The following CD36 variants were observed in gnomAD, a reference collection of about 807,000 sequenced individuals.
CD36 encodes the protein CD36 molecule (CD36 blood group).
In CD36, 119 loss-of-function variants were observed where a neutral mutation model predicts 55.2. That is an observed-to-expected ratio of 2.15 (90% CI 1.86 to 2.51). The LOEUF is 2.51. Among genes scored for constraint, CD36 ranks in the 30% most tolerant of loss-of-function variants. The pLI, the probability that CD36 is intolerant of heterozygous loss-of-function variation, is 0.00. For synonymous variants in CD36, 186 were observed against 193.6 expected, an observed-to-expected ratio of 0.96 and a Z score of 0.33; for missense variants, 819 against 555.5, an observed-to-expected ratio of 1.47 and a Z score of -4.77.
chr7:80,676,509 C>T lies in CD36; in HGVS notation c.*126C>T, dbSNP rs1207889114. The stretch of plus-strand genomic sequence containing the variant: ...GCCCTGCATTCCTGTCATCCTCATC[C>T]GGGGGAAACACCATCATCCCAGTAG... On this transcript the variant is annotated 3_prime_UTR_variant, in exon 15 of 15. Coordinates refer to ENST00000447544, the MANE Select transcript of CD36 (RefSeq NM_001001548.3). 1.2e-4 allele frequency: 19 copies of T among 152,132 alleles called. No individual in the cohort carries two copies. The highest frequency in any genetic ancestry group is 2.6e-4 in the Non-Finnish European group (18 of 68,064). The allele number at this position is 152,132 out of a possible 1,614,324, so 9.4% of individuals were successfully genotyped here.
chr7:80,621,183 G>A (rs1331684233), intron 1 of CD36, among the ~76,000 whole-genome samples: 1 of 152,022 alleles, frequency 6.6e-6, no homozygotes, highest in East Asian at 1.9e-4. Context: ...TTTAAAGTAT[G>A]TACATTTTTT....
At chr7:80,626,203 G>C (rs925136430) in intron 1 of CD36, 2 of 151,970 alleles carry the variant, frequency 1.3e-5, no homozygotes, top group African/African-American at 4.8e-5. Context: ...TAACTTAGCT[G>C]GCATTGTGGC....
rs764869453 is a variant in CD36 at position 80,661,161 on chromosome 7, CA to C, written c.381del (p.Val128LeufsTer29). ...PNGAIFEPSL[S>X]VGTEADNFTV... ...GGTGCCATCTTCGAACCTTCACTAT[CA>C]GTTGGAACAGAGGCTGACAACTTCA... On this transcript the variant is annotated frameshift_variant, in exon 5 of 15. Coordinates refer to ENST00000447544, the MANE Select transcript of CD36 (RefSeq NM_001001548.3). LOFTEE classifies it high-confidence loss of function. The C allele has an allele frequency of 1.9e-6, 3 of 1,613,970 alleles. No homozygotes were observed. In the South Asian group the frequency reaches 3.3e-5, roughly 18 times the overall value.
intron 2 of CD36, 135 bp downstream of exon 2, chr7:80,646,316 T>TCTCG: frequency 4.3e-6 from 1 of 232,338 alleles, no homozygotes; most frequent in Non-Finnish European, 8.7e-6. Context: ...AACCAGATAG[T>TCTCG]GAGGATGCAA....
intron 5 of CD36, chr7:80,662,729 G>A (rs1258645795): frequency 2.2e-6 from 1 of 446,232 alleles, no homozygotes; most frequent in Non-Finnish European, 4.1e-6. Flanking sequence ...TTAGATATTT[G>A]AGAAGACCAC....
chr7:80,616,001 A>AG (rs1317397689), intron 1 of CD36, among the ~76,000 whole-genome samples: 6 of 152,210 alleles, frequency 3.9e-5, no homozygotes, highest in Non-Finnish European at 8.8e-5. Context: ...CTTAACAGAT[A>AG]ACACTTTCTT....
At chr7:80,659,804 G>T (rs186782375) in intron 4 of CD36, among the ~76,000 whole-genome samples, 1 of 152,222 alleles carries the variant, frequency 6.6e-6, no homozygotes, top group Non-Finnish European at 1.5e-5. Context: ...AAATACAATT[G>T]TCCTGAGTGC....
intron 3 of CD36, among the ~76,000 whole-genome samples, chr7:80,648,982 G>A (rs1016237459): frequency 2.6e-5 from 4 of 152,084 alleles, no homozygotes; most frequent in African/African-American, 7.2e-5. Flanking sequence ...TTAGAGTTAG[G>A]AAGCAAGCTT....
intron 1 of CD36, among the ~76,000 whole-genome samples, chr7:80,639,539 T>C (rs1021432657): frequency 3.9e-5 from 6 of 152,010 alleles, no homozygotes; most frequent in Admixed American, 1.3e-4. Context: ...AAATTAATTA[T>C]ACATTAACTA....
chr7:80,659,419 G>C (rs1584412403), intron 4 of CD36, among the ~76,000 whole-genome samples: 1 of 152,146 alleles, frequency 6.6e-6, no homozygotes, highest in South Asian at 2.1e-4. Context: ...TGAAGATGCT[G>C]TAATTCCTTC....
chr7:80,632,234 C>T (rs936460008), intron 1 of CD36, among the ~76,000 whole-genome samples: 5 of 150,124 alleles, frequency 3.3e-5, no homozygotes, highest in Admixed American at 6.7e-5. Flanking sequence ...TGTGAAGTCT[C>T]AGGGCAGAAT....
At chr7:80,642,409 G>T (rs1315688669) in intron 1 of CD36, among the ~76,000 whole-genome samples, 1 of 152,092 alleles carries the variant, frequency 6.6e-6, no homozygotes, top group Non-Finnish European at 1.5e-5. Context: ...TTGGTGGAAT[G>T]GTGGAGACAA....
chr7:80,609,253 G>A (rs1004045735), intron 1 of CD36, among the ~76,000 whole-genome samples: 3 of 152,210 alleles, frequency 2.0e-5, no homozygotes, highest in South Asian at 2.1e-4. Context: ...ACACTGTACC[G>A]AATCCTTACT....
At position 80,666,237 on chromosome 7, in the gene CD36, C is replaced by A. The variant is rs3736592; in HGVS notation, c.702-206C>A. ...CACCTGGCAGTTTTTATTTTATGAT[C>A]TGGCTACCTAATGGCATCAGGTACA... On this transcript the variant is annotated intron_variant, in intron 7 of 14. Coordinates refer to ENST00000447544, the MANE Select transcript of CD36 (RefSeq NM_001001548.3). 9.1e-4 allele frequency: 447 copies of A among 488,760 alleles called. 3 individuals are homozygous for A. In the East Asian group the frequency reaches 0.011, roughly 12 times the overall value. The allele number at this position is 488,760 out of a possible 1,614,324, so 30.3% of individuals were successfully genotyped here.
chr7:80,617,999 A>C (rs1237293737), intron 1 of CD36, among the ~76,000 whole-genome samples: 2 of 152,146 alleles, frequency 1.3e-5, no homozygotes, highest in Non-Finnish European at 2.9e-5. Context: ...TCTGTCATGC[A>C]CAGTACAGTT....
chr7:80,607,293 A>AAAGCG (rs1792611288), intron 1 of CD36, among the ~76,000 whole-genome samples: 2 of 142,758 alleles, frequency 1.4e-5, no homozygotes, highest in South Asian at 4.5e-4. Context: ...AAAGAAAAGC[A>AAAGCG]CTTAATTATT....
At chr7:80,663,264 T>G (rs1367604243) in intron 6 of CD36, 95 bp downstream of exon 6, 5 of 1,057,188 alleles carry the variant, frequency 4.7e-6, no homozygotes, top group Admixed American at 3.5e-5. Context: ...AGCTCATTAG[T>G]CTTATTGCTG....
At chr7:80,642,404 G>A (rs1427981851) in intron 1 of CD36, among the ~76,000 whole-genome samples, 1 of 152,110 alleles carries the variant, frequency 6.6e-6, no homozygotes, top group Non-Finnish European at 1.5e-5. Context: ...TAAATTTGGT[G>A]GAATGGTGGA....
chr7:80,629,261 A>C (rs1793927343), intron 1 of CD36, among the ~76,000 whole-genome samples: 1 of 151,900 alleles, frequency 6.6e-6, no homozygotes, highest in African/African-American at 2.4e-5. Flanking sequence ...TTGAGGTTGT[A>C]AGAGGGCCTC....
Sources: gnomAD v4.1 joint callset for allele counts (sites outside exome capture counted in the v4.1 genomes callset) on GRCh38, gnomAD v4.1.1 for gene constraint, MANE v1.5 for transcripts, NCBI Gene and HGNC (gene_info 2026-07-23, HGNC 2026-07-21) for gene names.